Variants in CLCN1 observed in about 807,000 individuals in gnomAD.
CLCN1 encodes the protein chloride channel protein 1.
In CLCN1, 100 loss-of-function variants were observed where a neutral mutation model predicts 114.5. The ratio of observed to expected loss-of-function variants is 0.87; its 90% CI spans 0.74 to 1.03. The LOEUF (loss-of-function observed/expected upper bound fraction) is 1.03. Among genes scored for constraint, CLCN1 ranks in the 50% least tolerant of loss-of-function variants. The probability of loss-of-function intolerance (pLI) is 0.00; values close to 1 mark genes in which losing one functional copy is unlikely to be tolerated. For synonymous variants in CLCN1, 485 were observed against 487.1 expected, an observed-to-expected ratio of 1.00 and a Z score of 0.06; for missense variants, 1,188 against 1,250.0, an observed-to-expected ratio of 0.95 and a Z score of 0.75.
rs1355576712 is a variant in CLCN1, at chr7:143,316,127, G to T, written c.-86G>T. The T allele has an allele frequency of 8.8e-7, 1 of 1,131,998 alleles. No individual in the cohort carries two copies. Among genetic ancestry groups the T allele is most frequent in the Admixed American group, 1.7e-5 (1 of 58,146 alleles). 70.1% of individuals were successfully genotyped at this position (1,131,998 alleles called of 1,614,324 possible). A position where few individuals can be genotyped will look rare whatever the true frequency, so the allele number is the denominator to read the frequency against. On this transcript the variant is annotated 5_prime_UTR_variant, in exon 1 of 23. Transcript: ENST00000343257. ...TGCTGCCCCAGACGCCTTGGGGACA[G>T]CAAGAGCAGAGGCTTAAGGAGCTAC... is the stretch of plus-strand genomic sequence containing the variant.
In CLCN1 at chr7:143,330,766, C is replaced by T; in HGVS notation, c.854-6C>T. 1 of 1,614,058 alleles carries T rather than the reference C, an allele frequency of 6.2e-7. No individual in the cohort carries two copies. Among genetic ancestry groups the T allele is most frequent in the Non-Finnish European group, 8.5e-7 (1 of 1,179,980 alleles). On this transcript the variant is annotated splice_polypyrimidine_tract_variant and splice_region_variant and intron_variant, in intron 7 of 22. Coordinates refer to ENST00000343257, the MANE Select transcript of CLCN1 (RefSeq NM_000083.3). ...TGCCCCCAACCACACTTCTGTGCCCCTGCAGGAGTGCTATTTAGCATCGAG... is the reference window on the plus strand; with the variant it reads ...TGCCCCCAACCACACTTCTGTGCCCTTGCAGGAGTGCTATTTAGCATCGAG...
At position 143,346,231 on chromosome 7, in the gene CLCN1, C is replaced by T. The variant is rs1803241372; in HGVS notation, c.2264C>T (p.Pro755Leu). ...CCTCTGCCTGGCCACAAACAGCAGC[C>T]GGAAGCACCAGAGCCTGCAGGTGAC... is the stretch of plus-strand genomic sequence containing the variant. ...NGPLPGHKQQ[P>L]EAPEPAGQRP... Residue 755 changes from proline (P) to leucine (L), a missense_variant, in exon 18 of 23, where the codon CCG (proline) becomes CTG (leucine). Pro to Leu is a moderately conservative substitution (Grantham distance 98, BLOSUM62 -3). Transcript: ENST00000343257. The T allele has an allele frequency of 5.0e-6, 8 of 1,612,458 alleles. No individual in the cohort carries two copies. The highest frequency in any genetic ancestry group is 4.4e-5 in the South Asian group (4 of 91,034).
chr7:143,317,788 T>C (rs1024300931), intron 1 of CLCN1, among the ~76,000 whole-genome samples: 12 of 151,928 alleles, frequency 7.9e-5, no homozygotes, highest in Admixed American at 7.9e-4. Context: ...GAATCGAGCA[T>C]TGGGAAGGTT....
At chr7:143,333,615 C>A (rs1218284098) in intron 12 of CLCN1, among the ~76,000 whole-genome samples, 3 of 151,986 alleles carry the variant, frequency 2.0e-5, no homozygotes, top group African/African-American at 7.3e-5. Context: ...TTTTTTCCCC[C>A]GGTTTTGTAG....
At chr7:143,331,941 GC>G (rs1563079463) in intron 10 of CLCN1, among the ~76,000 whole-genome samples, 1 of 152,174 alleles carries the variant, frequency 6.6e-6, no homozygotes, top group East Asian at 1.9e-4. Context: ...CGATTCTCAT[GC>G]CTCAGCCTCC....
At chr7:143,345,795 T>C (rs1803226637) in intron 17 of CLCN1, 33 bp downstream of exon 17, 6 of 1,599,886 alleles carry the variant, frequency 3.8e-6, no homozygotes, top group Non-Finnish European at 5.1e-6. Context: ...GGGAGTGGGA[T>C]AGATCAGGAG....
At chr7:143,345,849 A>G in intron 17 of CLCN1, 87 bp downstream of exon 17, 2 of 1,514,150 alleles carry the variant, frequency 1.3e-6, no homozygotes, top group South Asian at 1.2e-5. Flanking sequence ...CTGGGCTGGG[A>G]CAGGCGTAGT....
chr7:143,327,683 C>T (rs1287605386), intron 7 of CLCN1, among the ~76,000 whole-genome samples: 3 of 152,114 alleles, frequency 2.0e-5, no homozygotes, highest in African/African-American at 7.2e-5. Flanking sequence ...GAGAGAGGGC[C>T]TTGCTCTGTG....
Position 143,324,392 on chromosome 7 carries a change from C to G in CLCN1, c.775-22C>G. ...ACCTCCCTCTCTTCCACCTGTTTCTCTGTCTGTCTCTCCCCTAGTAGCAGC... is the reference window on the plus strand; with the variant it reads ...ACCTCCCTCTCTTCCACCTGTTTCTGTGTCTGTCTCTCCCCTAGTAGCAGC... On this transcript the variant is annotated intron_variant, in intron 6 of 22. Coordinates refer to ENST00000343257, the MANE Select transcript of CLCN1 (RefSeq NM_000083.3). The surrounding 1 kb of genome is among the most constrained non-coding windows in gnomAD (Gnocchi z 4.6). 1 of 1,592,400 alleles carries G rather than the reference C, an allele frequency of 6.3e-7. No homozygotes were observed. Among genetic ancestry groups the G allele is most frequent in the Non-Finnish European group, 8.6e-7 (1 of 1,160,520 alleles).
At chr7:143,346,283 C>T (rs748857605) in intron 18 of CLCN1, 32 bp downstream of exon 18, 8 of 1,448,188 alleles carry the variant, frequency 5.5e-6, no homozygotes, top group Middle Eastern at 1.7e-4. Flanking sequence ...CCCCAACTCA[C>T]CCCTTGTGGG....
intron 3 of CLCN1, 54 bp downstream of exon 3, chr7:143,320,849 G>A: frequency 1.2e-6 from 2 of 1,607,182 alleles, no homozygotes; most frequent in Non-Finnish European, 1.7e-6. Flanking sequence ...TCTACCTAGG[G>A]TAAGCAGGGT....
In CLCN1 at chr7:143,324,940, G is replaced by A. The variant is rs370633990; in HGVS notation, c.853+448G>A. 1.3e-5 allele frequency among the ~76,000 whole-genome samples: 2 copies of A among 152,202 alleles called. No homozygotes were observed. Among genetic ancestry groups the A allele is most frequent in the African/African-American group, 4.8e-5 (2 of 41,450 alleles). On this transcript the variant is annotated intron_variant, in intron 7 of 22. Transcript: ENST00000343257. The surrounding 1 kb of genome is among the most constrained non-coding windows in gnomAD (Gnocchi z 4.6). ...TTTGTTGTGCTTTATTAATTGCATG[G>A]GAATTCAGGTAGACCTTATTTAGAT...
At chr7:143,319,210 T>C (rs572234301) in intron 1 of CLCN1, among the ~76,000 whole-genome samples, 2 of 152,272 alleles carry the variant, frequency 1.3e-5, no homozygotes, top group South Asian at 2.1e-4. Context: ...ATACAAGCAC[T>C]GGGAGATGAA....
chr7:143,342,371 G>A lies in CLCN1; in HGVS notation c.1797-1G>A. ...ACCCACCATGCTTTCTCCCTCCATAGCAAATATACCATCTTTGTTGAGGAC... is the reference window on the plus strand; with the variant it reads ...ACCCACCATGCTTTCTCCCTCCATAACAAATATACCATCTTTGTTGAGGAC... On this transcript the variant is annotated splice_acceptor_variant, in intron 15 of 22. Coordinates refer to ENST00000343257, the MANE Select transcript of CLCN1 (RefSeq NM_000083.3). LOFTEE classifies it high-confidence loss of function. 6.2e-7 allele frequency: 1 copy of A among 1,614,180 alleles called. No individual in the cohort carries two copies.
intron 1 of CLCN1, 47 bp from the exon 2 acceptor site, chr7:143,319,708 T>C: frequency 3.7e-6 from 6 of 1,606,646 alleles, no homozygotes; most frequent in Non-Finnish European, 5.1e-6. Context: ...TCTATTATTT[T>C]TTTAGTCTTC....
At chr7:143,337,963 A>G (rs2116862683) in intron 12 of CLCN1, among the ~76,000 whole-genome samples, 1 of 151,506 alleles carries the variant, frequency 6.6e-6, no homozygotes, top group East Asian at 1.9e-4. Context: ...AGTAGCTGGG[A>G]CTACAGGTGC....
chr7:143,324,631 C>A lies in CLCN1; in HGVS notation c.853+139C>A, dbSNP rs1035854605. ...ACTTTTAGTAAGCCTTTGCTATGTGCCAGGCAATGTTTAAAGCACTTACTT... is the reference window on the plus strand; with the variant it reads ...ACTTTTAGTAAGCCTTTGCTATGTGACAGGCAATGTTTAAAGCACTTACTT... On this transcript the variant is annotated intron_variant, in intron 7 of 22. Coordinates refer to ENST00000343257, the MANE Select transcript of CLCN1 (RefSeq NM_000083.3). The surrounding 1 kb of genome is among the most constrained non-coding windows in gnomAD (Gnocchi z 4.6). The A allele has an allele frequency of 1.9e-5, 14 of 729,414 alleles. 1 individual carries two copies. Among genetic ancestry groups the A allele is most frequent in the Admixed American group, 1.0e-4 (5 of 50,032 alleles). The allele number at this position is 729,414 out of a possible 1,614,324, so 45.2% of individuals were successfully genotyped here. A position where few individuals can be genotyped will look rare whatever the true frequency, so the allele number is the denominator to read the frequency against.
intron 8 of CLCN1, 116 bp downstream of exon 8, chr7:143,331,013 G>A: frequency 2.0e-6 from 3 of 1,492,420 alleles, no homozygotes; most frequent in Non-Finnish European, 1.9e-6. Flanking sequence ...ATCATTTGTG[G>A]GGTGGGACCA....
intron 12 of CLCN1, among the ~76,000 whole-genome samples, chr7:143,337,069 T>C (rs1802923331): frequency 6.6e-6 from 1 of 152,214 alleles, no homozygotes; most frequent in African/African-American, 2.4e-5. Flanking sequence ...GACAATCTGA[T>C]GTGGTAGCTT....
Sources: allele counts gnomAD v4.1 joint callset (sites outside exome capture counted in the v4.1 genomes callset), GRCh38; gene constraint gnomAD v4.1.1; non-coding constraint Gnocchi (gnomAD v3.1); transcripts MANE v1.5; gene names NCBI Gene and HGNC (gene_info 2026-07-23, HGNC 2026-07-21).